INSC: variants seen among roughly 807,000 people sequenced by gnomAD.
The protein encoded by INSC is INSC spindle orientation adaptor protein.
In INSC, 67 loss-of-function variants were observed where a neutral mutation model predicts 58.6. The ratio of observed to expected loss-of-function variants is 1.14; its 90% CI spans 0.94 to 1.40. INSC has a LOEUF of 1.40. INSC is among the 40% of genes most tolerant of loss of function. The pLI is 0.00. For synonymous variants in INSC, 262 were observed against 276.1 expected, an observed-to-expected ratio of 0.95 and a Z score of 0.51; for missense variants, 714 against 692.0, an observed-to-expected ratio of 1.03 and a Z score of -0.36.
At chr11:15,266,962 G>C in the INSC span, among the ~76,000 whole-genome samples, 2 of 151,860 alleles carry the variant, frequency 1.3e-5, no homozygotes, top group African/African-American at 2.4e-5. Flanking sequence ...AGCTATTATT[G>C]CATGTTTTAT....
chr11:15,239,133 G>A (rs966539748), intron 11 of INSC, 59 bp downstream of exon 11: 6 of 1,552,454 alleles, frequency 3.9e-6, no homozygotes, highest in Non-Finnish European at 5.2e-6. Flanking sequence ...GGTGGGAGCA[G>A]CTCTGATTTC....
chr11:15,112,511 T>C (rs768372675), upstream of INSC: 1 of 1,612,386 alleles, frequency 6.2e-7, no homozygotes, highest in South Asian at 1.1e-5. Flanking sequence ...CCAGCGAAGG[T>C]CCAGGTGGCT....
chr11:15,261,764 T>C, the INSC span, among the ~76,000 whole-genome samples: 1 of 152,070 alleles, frequency 6.6e-6, no homozygotes, highest in South Asian at 2.1e-4. Context: ...GATGGGAAAA[T>C]TAGCGGGAAA....
chr11:15,214,748 G>A (rs912798347), intron 7 of INSC, among the ~76,000 whole-genome samples: 2 of 152,200 alleles, frequency 1.3e-5, no homozygotes, highest in South Asian at 4.1e-4. Flanking sequence ...AAGTGATTAG[G>A]TCATGAGGGC....
rs574921453 is a variant in INSC at position 15,133,326 on chromosome 11, G to A, written c.-45-15804G>A. On this transcript the variant is annotated intron_variant, in intron 1 of 12. Coordinates refer to ENST00000379556, the MANE Select transcript of INSC (RefSeq NM_001042536.3). ...ATTTTAATTATTGTATTTTAATGTAGAAAAGTTCTATTTGGTTCTTTCTCA... is the reference window on the plus strand; with the variant it reads ...ATTTTAATTATTGTATTTTAATGTAAAAAAGTTCTATTTGGTTCTTTCTCA... Among the ~76,000 whole-genome samples, 10 of 152,206 alleles carry A rather than the reference G, an allele frequency of 6.6e-5. No homozygotes were observed. The South Asian group carries it at 1.9e-3, about 28-fold the overall frequency.
the INSC span, among the ~76,000 whole-genome samples, chr11:15,268,414 T>A: frequency 6.6e-6 from 1 of 152,084 alleles, no homozygotes; most frequent in East Asian, 1.9e-4. Flanking sequence ...GTGATGACTA[T>A]GAAATAGACT....
intron 2 of INSC, among the ~76,000 whole-genome samples, chr11:15,170,633 C>T (rs1014364875): frequency 1.2e-4 from 19 of 152,118 alleles, no homozygotes; most frequent in African/African-American, 9.7e-5. Context: ...CCAGGTTTCT[C>T]CACTGTAAAG....
At chr11:15,258,429 G>T in the INSC span, among the ~76,000 whole-genome samples, 4 of 152,160 alleles carry the variant, frequency 2.6e-5, no homozygotes, top group African/African-American at 7.2e-5. Context: ...TCCCTTGAAG[G>T]TTCTTTATAA....
At chr11:15,150,050 C>T (rs1016609209) in intron 2 of INSC, among the ~76,000 whole-genome samples, 9 of 152,110 alleles carry the variant, frequency 5.9e-5, no homozygotes, top group African/African-American at 2.2e-4. Context: ...ATCTTTTTTT[C>T]ACAATGTCTT....
chr11:15,245,109 G>C (rs1447386305), intron 12 of INSC, among the ~76,000 whole-genome samples: 18 of 152,206 alleles, frequency 1.2e-4, no homozygotes, highest in Admixed American at 1.2e-3. Context: ...TCAGAGTCTA[G>C]TGTGGGAGAT....
At chr11:15,225,913 G>T in intron 9 of INSC, 85 bp downstream of exon 9, 1 of 1,369,304 alleles carries the variant, frequency 7.3e-7, no homozygotes, top group East Asian at 2.5e-5. Context: ...TCTGAGGCAG[G>T]GGAGAGAGCA....
chr11:15,122,066 G>A (rs1203284907), intron 1 of INSC, among the ~76,000 whole-genome samples: 1 of 152,200 alleles, frequency 6.6e-6, no homozygotes, highest in African/African-American at 2.4e-5. Context: ...AAGGCTACCT[G>A]TGCTCCTTGT....
chr11:15,220,802 T>A (rs2133929919), intron 7 of INSC, among the ~76,000 whole-genome samples: 1 of 152,322 alleles, frequency 6.6e-6, no homozygotes, highest in Admixed American at 6.5e-5. Context: ...AACATGTTCT[T>A]ATCTGGCACT....
intron 6 of INSC, among the ~76,000 whole-genome samples, chr11:15,191,226 G>C (rs1198809975): frequency 6.7e-6 from 1 of 149,642 alleles, no homozygotes; most frequent in African/African-American, 2.5e-5. Context: ...TGATCCGCCT[G>C]CCTCGGCCTC....
the INSC span, among the ~76,000 whole-genome samples, chr11:15,255,826 G>A: frequency 6.6e-6 from 1 of 151,826 alleles, no homozygotes; most frequent in African/African-American, 2.4e-5. Context: ...CCCTTAAAGG[G>A]ATTTTTATAA....
At chr11:15,199,232 A>G (rs1218883209) in intron 6 of INSC, among the ~76,000 whole-genome samples, 1 of 152,200 alleles carries the variant, frequency 6.6e-6, no homozygotes, top group Non-Finnish European at 1.5e-5. Flanking sequence ...ACTAGCCCTA[A>G]GTTATGCCCT....
At chr11:15,116,805 T>TTTCTTTCTTTCTCTTTCTTTC (rs1554900053) in intron 1 of INSC, among the ~76,000 whole-genome samples, 30 of 19,984 alleles carry the variant, frequency 1.5e-3, no homozygotes, top group African/African-American at 4.0e-3. Flanking sequence ...CTTTTCTTTC[T>TTTCTTTCTTTCTCTTTCTTTC]TTTCTTTCTT....
At chr11:15,262,070 T>TG in the INSC span, among the ~76,000 whole-genome samples, 1 of 152,100 alleles carries the variant, frequency 6.6e-6, no homozygotes, top group African/African-American at 2.4e-5. Context: ...CCCACCTTTC[T>TG]GGGTCCTAGT....
At chr11:15,239,384 T>A (rs1226851121) in intron 11 of INSC, among the ~76,000 whole-genome samples, 1 of 152,244 alleles carries the variant, frequency 6.6e-6, no homozygotes, top group Non-Finnish European at 1.5e-5. Context: ...CAGTTATTCA[T>A]ATACTCATTT....
Sources: allele counts gnomAD v4.1 joint callset (sites outside exome capture counted in the v4.1 genomes callset), GRCh38; gene constraint gnomAD v4.1.1; transcripts MANE v1.5; gene names NCBI Gene and HGNC (gene_info 2026-07-23, HGNC 2026-07-21).